The following HPSE2 variants were observed in gnomAD, a reference collection of about 807,000 sequenced individuals.
HPSE2 encodes the protein inactive heparanase-2.
HPSE2 carries 38 observed loss-of-function variants against 60.5 expected under a neutral mutation model. The ratio of observed to expected loss-of-function variants is 0.63; its 90% CI spans 0.48 to 0.82. The LOEUF is 0.82. Ranked by LOEUF, HPSE2 falls within the 40% of genes least tolerant of loss-of-function variation. HPSE2 has a pLI of 0.00. For synonymous variants in HPSE2, 295 were observed against 293.2 expected, an observed-to-expected ratio of 1.01 and a Z score of -0.06; for missense variants, 713 against 740.4, an observed-to-expected ratio of 0.96 and a Z score of 0.43.
intron 3 of HPSE2, among the ~76,000 whole-genome samples, chr10:99,012,881 CA>C (rs1164653433): frequency 3.3e-5 from 5 of 152,190 alleles, no homozygotes; most frequent in African/African-American, 1.2e-4. Context: ...AAATGTGATT[CA>C]CAGCTTTAAT....
intron 10 of HPSE2, among the ~76,000 whole-genome samples, chr10:98,483,605 C>G (rs570060979): frequency 1.3e-5 from 2 of 152,284 alleles, no homozygotes; most frequent in East Asian, 3.9e-4. Context: ...TCTTCCTGCC[C>G]TACTAAGTGA....
chr10:98,516,459 T>C (rs1401797181), intron 9 of HPSE2, among the ~76,000 whole-genome samples: 1 of 152,212 alleles, frequency 6.6e-6, no homozygotes, highest in African/African-American at 2.4e-5. Context: ...TAAAAGTGCC[T>C]GATGAAATGG....
intron 2 of HPSE2, among the ~76,000 whole-genome samples, chr10:99,183,190 C>T (rs1348928686): frequency 6.6e-6 from 1 of 151,994 alleles, no homozygotes; most frequent in African/African-American, 2.4e-5. Flanking sequence ...AAACACAATT[C>T]AGAGTTAAGA....
intron 3 of HPSE2, among the ~76,000 whole-genome samples, chr10:98,877,324 AT>A (rs1011647899): frequency 1.3e-4 from 19 of 151,762 alleles, no homozygotes; most frequent in African/African-American, 2.9e-4. Context: ...TGTTTTCTAG[AT>A]TTTTTTTGTA....
chr10:99,043,017 AC>A (rs1422608408), intron 3 of HPSE2, among the ~76,000 whole-genome samples: 1 of 152,160 alleles, frequency 6.6e-6, no homozygotes, highest in Non-Finnish European at 1.5e-5. Context: ...CAGAGCCTTG[AC>A]CCACTAAAAA....
chr10:99,069,413 C>T (rs968613109), intron 3 of HPSE2, among the ~76,000 whole-genome samples: 5 of 151,822 alleles, frequency 3.3e-5, no homozygotes, highest in Admixed American at 2.0e-4. Context: ...AGCTAGACCT[C>T]GCAGTTCTTA....
At chr10:99,064,523 T>G (rs1233337778) in intron 3 of HPSE2, among the ~76,000 whole-genome samples, 2 of 151,950 alleles carry the variant, frequency 1.3e-5, no homozygotes, top group African/African-American at 2.4e-5. Context: ...CTATGCCCTC[T>G]CTCCTTACCA....
Position 99,080,715 on chromosome 10 carries a change from A to G in HPSE2, c.610+63523T>C, listed in dbSNP as rs960409514. ...AAATAAGAAGACTGAGTCAGAAGCC[A>G]TCATTCAAGTGGCAGATGGGTTAAA... is the stretch of plus-strand genomic sequence containing the variant. On this transcript the variant is annotated intron_variant, in intron 3 of 11. Coordinates refer to ENST00000370552, the MANE Select transcript of HPSE2 (RefSeq NM_021828.5). 2.0e-5 allele frequency among the ~76,000 whole-genome samples: 3 copies of G among 152,356 alleles called. No homozygotes were observed. In the East Asian group the frequency reaches 5.8e-4, roughly 29 times the overall value.
At position 98,682,240 on chromosome 10, in the gene HPSE2, C is replaced by A. The variant is rs115679722; in HGVS notation, c.1004+11660G>T. Among the ~76,000 whole-genome samples, 669 of 152,320 alleles carry A rather than the reference C, an allele frequency of 4.4e-3. 4 individuals carry two copies. The highest frequency in any genetic ancestry group is 0.015 in the African/African-American group (636 of 41,568). ...CTCTGTCTCTTGTTTCTGCTGTCATCATGTGATGTGTGTGCTCCCACTTTG... is the reference window on the plus strand; with the variant it reads ...CTCTGTCTCTTGTTTCTGCTGTCATAATGTGATGTGTGTGCTCCCACTTTG... On this transcript the variant is annotated intron_variant, in intron 6 of 11. Coordinates refer to ENST00000370552, the MANE Select transcript of HPSE2 (RefSeq NM_021828.5).
At chr10:99,312,354 T>G in the HPSE2 span, among the ~76,000 whole-genome samples, 1 of 152,184 alleles carries the variant, frequency 6.6e-6, no homozygotes, top group Non-Finnish European at 1.5e-5. Context: ...CTGACTCTCT[T>G]GTTAAGGGTT....
At chr10:98,492,288 G>A (rs760962235) in intron 9 of HPSE2, among the ~76,000 whole-genome samples, 24 of 152,234 alleles carry the variant, frequency 1.6e-4, no homozygotes, top group Non-Finnish European at 2.6e-4. Context: ...AGATCACGAG[G>A]TCAGGAGATC....
At chr10:98,495,666 T>A (rs1941811615) in intron 9 of HPSE2, among the ~76,000 whole-genome samples, 1 of 151,918 alleles carries the variant, frequency 6.6e-6, no homozygotes. Flanking sequence ...TTTGAATTCC[T>A]CTAATAAATT....
At chr10:98,950,024 C>T (rs1050488538) in intron 3 of HPSE2, among the ~76,000 whole-genome samples, 7 of 152,090 alleles carry the variant, frequency 4.6e-5, no homozygotes, top group Non-Finnish European at 7.4e-5. Context: ...ACAGCTGATT[C>T]CATCCTAGTG....
intron 3 of HPSE2, among the ~76,000 whole-genome samples, chr10:99,082,789 C>T (rs963863714): frequency 6.6e-6 from 1 of 152,114 alleles, no homozygotes; most frequent in African/African-American, 2.4e-5. Flanking sequence ...ACCCTATTTT[C>T]GAGGAGTCTT....
intron 3 of HPSE2, among the ~76,000 whole-genome samples, chr10:98,808,827 T>C (rs1280135785): frequency 6.6e-6 from 1 of 152,166 alleles, no homozygotes; most frequent in Non-Finnish European, 1.5e-5. Context: ...AGTTCCAGTC[T>C]TGATAGTCTC....
chr10:98,902,491 A>T (rs192818307), intron 3 of HPSE2, among the ~76,000 whole-genome samples: 187 of 152,230 alleles, frequency 1.2e-3, no homozygotes, highest in Non-Finnish European at 2.5e-3. Flanking sequence ...ATGAATGACA[A>T]TATGAGTCAA....
At chr10:98,842,222 G>T (rs1337710064) in intron 3 of HPSE2, among the ~76,000 whole-genome samples, 1 of 152,230 alleles carries the variant, frequency 6.6e-6, no homozygotes, top group Non-Finnish European at 1.5e-5. Context: ...CAGATAAGGA[G>T]ATACAGCAGT....
chr10:98,620,164 C>T (rs533711031), intron 8 of HPSE2, among the ~76,000 whole-genome samples: 134 of 152,314 alleles, frequency 8.8e-4, no homozygotes, highest in Non-Finnish European at 1.2e-3. Flanking sequence ...ATGATTACTA[C>T]AGCACTTACC....
chr10:98,968,144 T>G (rs185240838), intron 3 of HPSE2, among the ~76,000 whole-genome samples: 4 of 152,224 alleles, frequency 2.6e-5, no homozygotes, highest in African/African-American at 7.2e-5. Flanking sequence ...TTCCTCACAA[T>G]GGCCACTCTT....
Sources: allele counts gnomAD v4.1 joint callset (sites outside exome capture counted in the v4.1 genomes callset), GRCh38; gene constraint gnomAD v4.1.1; transcripts MANE v1.5; gene names NCBI Gene and HGNC (gene_info 2026-07-23, HGNC 2026-07-21).